EXO1: variants seen among roughly 807,000 people sequenced by gnomAD.
EXO1 encodes exonuclease 1.
EXO1 carries 69 observed loss-of-function variants against 84.5 expected under a neutral mutation model. That is an observed-to-expected ratio of 0.82 (90% CI 0.67 to 1.00). The LOEUF is 1.00. Ranked by LOEUF, EXO1 falls within the 50% of genes least tolerant of loss-of-function variation. EXO1 has a pLI of 0.00. For synonymous variants in EXO1, 373 were observed against 366.1 expected, an observed-to-expected ratio of 1.02 and a Z score of -0.21; for missense variants, 1,045 against 1,000.7, an observed-to-expected ratio of 1.04 and a Z score of -0.60.
At chr1:241,857,074 T>C (rs1661091002) in intron 6 of EXO1, among the ~76,000 whole-genome samples, 1 of 152,184 alleles carries the variant, frequency 6.6e-6, no homozygotes, top group Admixed American at 6.5e-5. Context: ...TTTTGTAACT[T>C]GTAGGATTCT....
chr1:241,867,045 A>T lies in EXO1; in HGVS notation c.1257A>T (p.Arg419Ser), dbSNP rs773192633. ...CAAGGAAATCATCCATTGTGAAAAG[A>T]CCAAGAAGTGGTACGTATTTCAGTT... Reference protein sequence around the residue: ...NLPRKSSIVKRPRSAELSEDD... With the variant: ...NLPRKSSIVKSPRSAELSEDD... Residue 419 changes from arginine (R) to serine (S), a missense_variant, in exon 11 of 16, where the codon AGA becomes AGT. By Grantham distance (110) the Arg-to-Ser change is moderately radical (BLOSUM62 -1). Coordinates refer to ENST00000366548, the MANE Select transcript of EXO1 (RefSeq NM_130398.4). 6.2e-7 allele frequency: 1 copy of T among 1,611,790 alleles called. No individual in the cohort carries two copies. Among genetic ancestry groups the T allele is most frequent in the East Asian group, 2.2e-5 (1 of 44,870 alleles).
intron 7 of EXO1, among the ~76,000 whole-genome samples, chr1:241,857,890 G>A (rs935957306): frequency 4.6e-5 from 7 of 152,058 alleles, no homozygotes; most frequent in African/African-American, 1.7e-4. Flanking sequence ...ATGTACTAAA[G>A]GGTTGCCATG....
At chr1:241,872,444 T>G (rs1204333979) in intron 12 of EXO1, among the ~76,000 whole-genome samples, 166 bp downstream of exon 12, 1 of 152,118 alleles carries the variant, frequency 6.6e-6, no homozygotes, top group African/African-American at 2.4e-5. Flanking sequence ...CATGGTGATT[T>G]GCTGCACCCA....
chr1:241,850,927 C>T (rs1484536150), intron 4 of EXO1, among the ~76,000 whole-genome samples: 1 of 150,768 alleles, frequency 6.6e-6, no homozygotes, highest in Non-Finnish European at 1.5e-5. Flanking sequence ...CTCCGCCTCC[C>T]AGGTTCAAGC....
intron 15 of EXO1, among the ~76,000 whole-genome samples, chr1:241,887,680 C>T (rs374832950): frequency 6.6e-6 from 1 of 151,966 alleles, no homozygotes; most frequent in Admixed American, 6.6e-5. Flanking sequence ...TCTTTGTCAC[C>T]CAGGCTGGAG....
chr1:241,884,674 T>TGTGTGTGCAC (rs67560872), intron 14 of EXO1, among the ~76,000 whole-genome samples: 2,879 of 149,650 alleles, frequency 0.019, 63 homozygotes, highest in East Asian at 0.062. Flanking sequence ...TGTGTGTGTG[T>TGTGTGTGCAC]GTGCACGTGC....
At chr1:241,888,785 A>AG (rs1213412936) in intron 15 of EXO1, among the ~76,000 whole-genome samples, 2 of 152,158 alleles carry the variant, frequency 1.3e-5, no homozygotes, top group East Asian at 3.9e-4. Context: ...AATAAAAGAC[A>AG]GGGCTTAGGC....
At chr1:241,850,388 C>A in intron 3 of EXO1, 21 bp from the exon 4 acceptor site, 1 of 1,490,804 alleles carries the variant, frequency 6.7e-7, no homozygotes, top group Non-Finnish European at 9.4e-7. Context: ...TTACTGTTCT[C>A]CCTGTCTCTT....
chr1:241,857,287 AGTT>A, intron 6 of EXO1, 55 bp from the exon 7 acceptor site: 1 of 1,577,356 alleles, frequency 6.3e-7, no homozygotes, highest in Non-Finnish European at 8.7e-7. Context: ...TGAAACAGGA[AGTT>A]GTTTAGTACT....
chr1:241,879,387 GA>G, intron 13 of EXO1, 44 bp downstream of exon 13: 6 of 1,242,000 alleles, frequency 4.8e-6, no homozygotes, highest in Non-Finnish European at 7.0e-6. Flanking sequence ...TTATATGTAA[GA>G]AAAAATAGAT....
chr1:241,861,534 C>T (rs1284838115), intron 10 of EXO1, 32 bp downstream of exon 10: 9 of 1,138,078 alleles, frequency 7.9e-6, no homozygotes, highest in Middle Eastern at 1.9e-4. Flanking sequence ...TATGAAAACA[C>T]GTTTTAGTTA....
intron 15 of EXO1, among the ~76,000 whole-genome samples, chr1:241,887,361 T>C (rs986821790): frequency 4.6e-5 from 7 of 152,294 alleles, no homozygotes; most frequent in African/African-American, 1.7e-4. Context: ...CTGGTGCACT[T>C]TTAATGCATC....
At chr1:241,876,537 G>A (rs1374982735) in intron 12 of EXO1, among the ~76,000 whole-genome samples, 3 of 151,472 alleles carry the variant, frequency 2.0e-5, no homozygotes, top group South Asian at 4.2e-4. Flanking sequence ...AGTTGAGATC[G>A]CACCCCTGCA....
chr1:241,863,514 T>C (rs1055118737), intron 10 of EXO1, among the ~76,000 whole-genome samples: 6 of 151,694 alleles, frequency 4.0e-5, no homozygotes, highest in Non-Finnish European at 8.8e-5. Flanking sequence ...GTGTTTACCA[T>C]GTAAAGGAAC....
chr1:241,884,649 G>C (rs991980656), intron 14 of EXO1, among the ~76,000 whole-genome samples: 12 of 128,994 alleles, frequency 9.3e-5, no homozygotes, highest in Middle Eastern at 3.8e-3. Context: ...TATGCTGCCT[G>C]TGTGTGTGTG....
intron 11 of EXO1, among the ~76,000 whole-genome samples, chr1:241,871,347 C>T (rs1449463984): frequency 6.6e-6 from 1 of 152,186 alleles, no homozygotes; most frequent in Non-Finnish European, 1.5e-5. Context: ...TGCACTTACA[C>T]CTCTGTGGAG....
rs4149926 is a variant in EXO1, at chr1:241,861,964, G to A, written c.1041+462G>A. On this transcript the variant is annotated intron_variant, in intron 10 of 15. Coordinates refer to ENST00000366548, the MANE Select transcript of EXO1 (RefSeq NM_130398.4). ...TTTTATTTTTCTTTTTTGAGACAGAGTTTCATTCTTGTTGCCCAGGCTGGA... is the reference window on the plus strand; with the variant it reads ...TTTTATTTTTCTTTTTTGAGACAGAATTTCATTCTTGTTGCCCAGGCTGGA... 3.2e-3 allele frequency among the ~76,000 whole-genome samples: 494 copies of A among 152,058 alleles called. 5 individuals carry two copies. The highest frequency in any genetic ancestry group is 0.02 in the Middle Eastern group (6 of 294).
chr1:241,855,500 A>G (rs1349288759), intron 6 of EXO1, among the ~76,000 whole-genome samples: 4 of 152,220 alleles, frequency 2.6e-5, no homozygotes, highest in Non-Finnish European at 4.4e-5. Context: ...CACCAGACTC[A>G]GGAGCCCAGC....
At position 241,875,923 on chromosome 1, in the gene EXO1, C is replaced by T. The variant is rs75965597; in HGVS notation, c.1515-2826C>T. On this transcript the variant is annotated intron_variant, in intron 12 of 15. Coordinates refer to ENST00000366548, the MANE Select transcript of EXO1 (RefSeq NM_130398.4). ...TGATTAAAAAGTTCTAGAAAGTTGACTTCTCTCACTTGGAACAGTTTTTCT... is the reference window on the plus strand; with the variant it reads ...TGATTAAAAAGTTCTAGAAAGTTGATTTCTCTCACTTGGAACAGTTTTTCT... Among the ~76,000 whole-genome samples the T allele has an allele frequency of 1.1e-3, 174 of 152,310 alleles. 1 individual carries two copies. Among genetic ancestry groups the T allele is most frequent in the African/African-American group, 4.2e-3 (173 of 41,574 alleles).
Sources: gnomAD v4.1 joint callset for allele counts (sites outside exome capture counted in the v4.1 genomes callset) on GRCh38, gnomAD v4.1.1 for gene constraint, MANE v1.5 for transcripts, NCBI Gene and HGNC (gene_info 2026-07-23, HGNC 2026-07-21) for gene names.